GOLGA3: variants seen among roughly 807,000 people sequenced by gnomAD.
The protein encoded by GOLGA3 is golgin A3, also known as golgin subfamily A member 3.
GOLGA3 carries 75 observed loss-of-function variants against 169.4 expected under a neutral mutation model. The ratio of observed to expected loss-of-function variants is 0.44; its 90% CI spans 0.37 to 0.54. GOLGA3 has a LOEUF of 0.54. GOLGA3 is among the 20% of genes least tolerant of loss of function. GOLGA3 has a pLI of 0.00. For missense variants in GOLGA3, 1,899 were observed against 1,930.0 expected (o/e 0.98, Z 0.30); for synonymous variants, 824 against 822.4 (o/e 1.00, Z -0.03).
In GOLGA3 at chr12:132,787,883, A is replaced by G. The variant is rs541953013; in HGVS notation, c.2812-1096T>C. On this transcript the variant is annotated intron_variant, in intron 13 of 23. Coordinates refer to ENST00000450791, the MANE Select transcript of GOLGA3 (RefSeq NM_001389683.1). ...CCCCGGGACCCCTTCCCGAGACCCC[A>G]GGACCCTTCCTGAGACCCCAGGACC... is the stretch of plus-strand genomic sequence containing the variant. 3.5e-3 allele frequency among the ~76,000 whole-genome samples: 439 copies of G among 126,854 alleles called. 37 individuals carry two copies. Among genetic ancestry groups the G allele is most frequent in the African/African-American group, 5.0e-3 (144 of 29,056 alleles). The allele number at this position is 126,854 out of a possible 152,430, so 83.2% of individuals were successfully genotyped here. A position where few individuals can be genotyped will look rare whatever the true frequency, so the allele number is the denominator to read the frequency against.
intron 20 of GOLGA3, 75 bp downstream of exon 20, chr12:132,776,883 C>T (rs2045277032): frequency 6.5e-7 from 1 of 1,545,944 alleles, no homozygotes; most frequent in African/African-American, 1.4e-5. Flanking sequence ...TGTTGCTCCC[C>T]AAGCAGGATG....
intron 17 of GOLGA3, 138 bp from the exon 18 acceptor site, chr12:132,781,052 T>A (rs1000451523): frequency 1.5e-6 from 1 of 656,532 alleles, no homozygotes; most frequent in Non-Finnish European, 2.7e-6. Context: ...TGCTGAAGAA[T>A]CTGTGACAAA....
In GOLGA3 at chr12:132,784,337, T is replaced by C. The variant is rs764822932; in HGVS notation, c.3124-30A>G. Reference sequence around the variant, plus strand: ...GGGCCAAGATGGAACGGGCGCTTGGTCATGGGACAGGCCCTGACCCCCCTC... The same window carrying C: ...GGGCCAAGATGGAACGGGCGCTTGGCCATGGGACAGGCCCTGACCCCCCTC... On this transcript the variant is annotated intron_variant, in intron 15 of 23. Transcript: ENST00000450791. 2.5e-6 allele frequency: 4 copies of C among 1,585,076 alleles called. No homozygotes were observed. The South Asian group carries it at 4.5e-5, about 18-fold the overall frequency.
chr12:132,810,549 T>C (rs1481114187), intron 4 of GOLGA3, among the ~76,000 whole-genome samples: 1 of 152,114 alleles, frequency 6.6e-6, no homozygotes, highest in Non-Finnish European at 1.5e-5. Context: ...AATCATAACC[T>C]AGGAAAAACC....
At chr12:132,782,161 G>T in intron 17 of GOLGA3, 135 bp downstream of exon 17, 1 of 841,198 alleles carries the variant, frequency 1.2e-6, no homozygotes, top group Non-Finnish European at 2.0e-6. Flanking sequence ...GGACTCCTGA[G>T]CCTGTTCTCT....
chr12:132,828,426 C>T (rs536496185), intron 1 of GOLGA3: 1 of 152,470 alleles, frequency 6.6e-6, no homozygotes, highest in African/African-American at 2.4e-5. Context: ...TCCTGAAACC[C>T]CGACTTCCCA....
chr12:132,816,666 A>G lies in GOLGA3; in HGVS notation c.280T>C (p.Ser94Pro). 2 of 1,614,098 alleles carry G rather than the reference A, an allele frequency of 1.2e-6. No homozygotes were observed. Among genetic ancestry groups the G allele is most frequent in the African/African-American group, 1.3e-5 (1 of 75,034 alleles). ...PTTSPVGPDA[S>P]PGVAGFHDNL... ...TCATGGAAACCAGCCACACCTGGAG[A>G]GGCATCAGGGCCCACTGGGCTTGTG... Residue 94 changes from serine to proline, a missense_variant, in exon 3 of 24, where the codon TCT (serine) becomes CCT (proline). Ser to Pro is a moderately conservative substitution (Grantham distance 74). Transcript: ENST00000450791.
chr12:132,779,236 C>T (rs12581095), intron 18 of GOLGA3, among the ~76,000 whole-genome samples: 129,759 of 152,062 alleles, frequency 0.85, 57,262 homozygotes, highest in Non-Finnish European at 0.96. Context: ...TGTGCCACCA[C>T]GCCAGGCTAA....
intron 23 of GOLGA3, 51 bp downstream of exon 23, chr12:132,774,106 G>C (rs75861584): frequency 1.3e-6 from 2 of 1,497,520 alleles, no homozygotes; most frequent in African/African-American, 1.4e-5. Flanking sequence ...CCAGGTAAGA[G>C]GGCATTAATC....
chr12:132,792,638 A>C (rs1394900695), intron 11 of GOLGA3, among the ~76,000 whole-genome samples: 1 of 146,394 alleles, frequency 6.8e-6, no homozygotes, highest in Admixed American at 6.8e-5. Context: ...GGCTCCACAC[A>C]GACCGACCGC....
intron 11 of GOLGA3, among the ~76,000 whole-genome samples, chr12:132,791,769 ATG>A (rs2046249225): frequency 1.5e-5 from 2 of 129,492 alleles, no homozygotes; most frequent in African/African-American, 5.7e-5. Flanking sequence ...ATCTGCAGAG[ATG>A]TTACACTGAG....
chr12:132,786,690 T>G lies in GOLGA3; in HGVS notation c.2906+3A>C. On this transcript the variant is annotated splice_donor_region_variant and intron_variant, in intron 14 of 23. Coordinates refer to ENST00000450791, the MANE Select transcript of GOLGA3 (RefSeq NM_001389683.1). ...CACCTCCCCCGGGCACATGCAGACT[T>G]ACTTCCGGGCCTCTTGCTGCAACTC... 1 of 1,587,060 alleles carries G rather than the reference T, an allele frequency of 6.3e-7. No homozygotes were observed. The highest frequency in any genetic ancestry group is 1.4e-5 in the African/African-American group (1 of 72,506).
chr12:132,822,647 G>A (rs921688595), intron 1 of GOLGA3, among the ~76,000 whole-genome samples: 20 of 152,294 alleles, frequency 1.3e-4, no homozygotes, highest in African/African-American at 4.6e-4. Flanking sequence ...TGGGCCAGGC[G>A]CGGTGGCTCA....
rs191288397 is a variant in GOLGA3, at chr12:132,772,725, G to A, written c.*380C>T. 6.7e-3 allele frequency: 1,184 copies of A among 177,806 alleles called. 6 individuals carry two copies. The highest frequency in any genetic ancestry group is 0.01 in the Non-Finnish European group (850 of 84,874). 11.0% of individuals were successfully genotyped at this position (177,806 alleles called of 1,614,324 possible). A position where few individuals can be genotyped will look rare whatever the true frequency, so the allele number is the denominator to read the frequency against. Reference sequence around the variant, plus strand: ...AACAGGGAAGTGAGAAACTGCAGCCGGCCTGGCCAGGCGCGGTGCCGCAGA... The same window carrying A: ...AACAGGGAAGTGAGAAACTGCAGCCAGCCTGGCCAGGCGCGGTGCCGCAGA... On this transcript the variant is annotated 3_prime_UTR_variant, in exon 24 of 24. Coordinates refer to ENST00000450791, the MANE Select transcript of GOLGA3 (RefSeq NM_001389683.1).
chr12:132,774,255 G>C lies in GOLGA3; in HGVS notation c.4209C>G (p.Cys1403Trp). The C allele has an allele frequency of 6.2e-7, 1 of 1,612,714 alleles. No homozygotes were observed. Among genetic ancestry groups the C allele is most frequent in the Non-Finnish European group, 8.5e-7 (1 of 1,180,024 alleles). Residue 1403 changes from cysteine to tryptophan, a missense_variant, in exon 23 of 24, where the codon TGC (cysteine) becomes TGG (tryptophan). Coordinates refer to ENST00000450791, the MANE Select transcript of GOLGA3 (RefSeq NM_001389683.1). ...NPATPIKIPD[C>W]PVPASLLEEL... ...CCTCCAGCAGCGAGGCGGGAACTGG[G>C]CAGTCCGGGATCTTGATGGGCGTGG...
chr12:132,786,907 G>T, intron 13 of GOLGA3, 120 bp from the exon 14 acceptor site: 2 of 699,596 alleles, frequency 2.9e-6, no homozygotes. Context: ...GGAGGACTTG[G>T]GCCTTGAGAA....
intron 11 of GOLGA3, among the ~76,000 whole-genome samples, chr12:132,791,781 G>T (rs11147077): frequency 7.4e-6 from 1 of 134,430 alleles, no homozygotes; most frequent in African/African-American, 2.7e-5. Context: ...GTTACACTGA[G>T]GGCTCCAGAA....
intron 7 of GOLGA3, among the ~76,000 whole-genome samples, chr12:132,802,987 A>G (rs928795991): frequency 1.3e-5 from 2 of 152,122 alleles, no homozygotes; most frequent in Non-Finnish European, 2.9e-5. Context: ...CCTGGGAGGC[A>G]GAGGTTGCGG....
Position 132,777,609 on chromosome 12 carries a change from A to G in GOLGA3, c.3722+57T>C. ...TCGCTGTGCTGAAGGTGTGAATTAG[A>G]CCCCGCCCATTGCCAGGACAGCCAT... On this transcript the variant is annotated intron_variant, in intron 19 of 23. Coordinates refer to ENST00000450791, the MANE Select transcript of GOLGA3 (RefSeq NM_001389683.1). This position sits in a 1 kb window ranked among gnomAD's most constrained non-coding sequence, Gnocchi z 4.7. 1 of 1,595,868 alleles carries G rather than the reference A, an allele frequency of 6.3e-7. No homozygotes were observed. The highest frequency in any genetic ancestry group is 1.3e-5 in the African/African-American group (1 of 74,614).
Sources: gnomAD v4.1 joint callset for allele counts (sites outside exome capture counted in the v4.1 genomes callset) on GRCh38, gnomAD v4.1.1 for gene constraint, Gnocchi (gnomAD v3.1) non-coding constraint, MANE v1.5 for transcripts, NCBI Gene and HGNC (gene_info 2026-07-23, HGNC 2026-07-21) for gene names.